Variants in ZNF532 observed in about 807,000 individuals in gnomAD.
ZNF532 encodes the protein zinc finger protein 532.
ZNF532 carries 22 observed loss-of-function variants against 89.3 expected under a neutral mutation model. The ratio of observed to expected loss-of-function variants is 0.25; its 90% CI spans 0.18 to 0.35. ZNF532 has a LOEUF of 0.35. Among genes scored for constraint, ZNF532 ranks in the 10% least tolerant of loss-of-function variants. The probability of loss-of-function intolerance (pLI) is 1.00; values close to 1 mark genes in which losing one functional copy is unlikely to be tolerated. For missense variants in ZNF532, 1,132 were observed against 1,643.4 expected (o/e 0.69, Z 5.38); for synonymous variants, 606 against 649.6 (o/e 0.93, Z 1.02).
intron 2 of ZNF532, among the ~76,000 whole-genome samples, chr18:58,880,771 C>CGTGTTTGTGTGTGTGT (rs1555704786): frequency 1.4e-5 from 2 of 145,258 alleles, no homozygotes; most frequent in East Asian, 4.0e-4. Context: ...CACGCGCGCG[C>CGTGTTTGTGTGTGTGT]GTCTGTGTGT....
At chr18:58,890,716 C>G (rs1466424029) in intron 2 of ZNF532, among the ~76,000 whole-genome samples, 1 of 151,902 alleles carries the variant, frequency 6.6e-6, no homozygotes, top group African/African-American at 2.4e-5. Flanking sequence ...TTCCCTCTCC[C>G]CTTCTTTTTC....
At chr18:58,866,115 CG>C (rs1192088171) in intron 2 of ZNF532, among the ~76,000 whole-genome samples, 1 of 152,108 alleles carries the variant, frequency 6.6e-6, no homozygotes, top group Non-Finnish European at 1.5e-5. Flanking sequence ...GGGCTGTTGA[CG>C]GTGAGTTCGC....
intron 5 of ZNF532, among the ~76,000 whole-genome samples, chr18:58,943,158 C>CT (rs11289347): frequency 3.0e-3 from 372 of 123,080 alleles, no homozygotes; most frequent in South Asian, 5.9e-3. Context: ...ATTACTATAT[C>CT]TTTTTTTTTT....
chr18:58,875,931 CTT>C (rs71173091), intron 2 of ZNF532, among the ~76,000 whole-genome samples: 12 of 112,786 alleles, frequency 1.1e-4, no homozygotes, highest in African/African-American at 1.4e-4. Context: ...ACTTGGGGAT[CTT>C]TTTTTTTTTT....
At chr18:58,960,813 TCA>T (rs1161372019) in intron 7 of ZNF532, among the ~76,000 whole-genome samples, 1 of 152,170 alleles carries the variant, frequency 6.6e-6, no homozygotes, top group Non-Finnish European at 1.5e-5. Context: ...CAGATTTTCC[TCA>T]GTCTTTCTAT....
intron 2 of ZNF532, among the ~76,000 whole-genome samples, chr18:58,896,200 TG>T (rs1459014090): frequency 6.6e-6 from 1 of 152,172 alleles, no homozygotes; most frequent in Non-Finnish European, 1.5e-5. Context: ...TAGCAGTGTT[TG>T]TTTTTTGTTG....
chr18:58,882,277 A>C (rs1442082401), intron 2 of ZNF532, among the ~76,000 whole-genome samples: 1 of 152,080 alleles, frequency 6.6e-6, no homozygotes, highest in Non-Finnish European at 1.5e-5. Context: ...AGATTTGTTA[A>C]CTTGTTCTTT....
At chr18:58,982,313 A>G (rs941784369) in intron 9 of ZNF532, among the ~76,000 whole-genome samples, 7 of 151,858 alleles carry the variant, frequency 4.6e-5, no homozygotes, top group Non-Finnish European at 5.9e-5. Context: ...TGTTTTTTTG[A>G]GAGAAAAGTT....
intron 4 of ZNF532, among the ~76,000 whole-genome samples, chr18:58,935,083 TCTC>T (rs1351396576): frequency 2.3e-5 from 2 of 88,302 alleles, no homozygotes; most frequent in East Asian, 3.4e-4. Flanking sequence ...CAAATAACCT[TCTC>T]CTCCTCCCCA....
intron 2 of ZNF532, among the ~76,000 whole-genome samples, chr18:58,888,789 T>A (rs551592584): frequency 3.2e-4 from 16 of 49,472 alleles, no homozygotes; most frequent in African/African-American, 1.5e-3. Flanking sequence ...ATATATAAAA[T>A]ATATATAATT....
chr18:58,981,244 C>A (rs2067733692), intron 8 of ZNF532: 2 of 544,340 alleles, frequency 3.7e-6, no homozygotes, highest in South Asian at 4.2e-5. Flanking sequence ...GTGAAAACTT[C>A]TTTTGAAATG....
chr18:58,907,185 T>C (rs185741667), intron 2 of ZNF532, among the ~76,000 whole-genome samples: 13 of 152,174 alleles, frequency 8.5e-5, no homozygotes, highest in Admixed American at 5.9e-4. Flanking sequence ...TATGAGTTTT[T>C]TGTTTGTTTG....
chr18:58,904,372 A>G (rs754763164), intron 2 of ZNF532, among the ~76,000 whole-genome samples: 27 of 151,860 alleles, frequency 1.8e-4, no homozygotes, highest in Non-Finnish European at 3.5e-4. Context: ...AAAATAATGT[A>G]TATGGTTAAG....
At chr18:58,951,658 T>TGG (rs1298607068) in intron 6 of ZNF532, among the ~76,000 whole-genome samples, 1 of 31,240 alleles carries the variant, frequency 3.2e-5, no homozygotes, top group East Asian at 1.4e-3. Flanking sequence ...TTTTTTTTTT[T>TGG]TTTTTTTTTG....
At chr18:58,953,404 C>T in intron 6 of ZNF532, 114 bp from the exon 7 acceptor site, 4 of 853,564 alleles carry the variant, frequency 4.7e-6, no homozygotes, top group Non-Finnish European at 7.1e-6. Context: ...TTAAATATTT[C>T]TGAATGAATA....
intron 7 of ZNF532, among the ~76,000 whole-genome samples, chr18:58,967,374 C>T (rs2066023044): frequency 6.6e-6 from 1 of 152,210 alleles, no homozygotes; most frequent in Non-Finnish European, 1.5e-5. Flanking sequence ...GGACCCTTGC[C>T]TATTCTTGTT....
rs1020315581 is a variant in ZNF532, at chr18:58,937,702, A to G, written c.2529-1743A>G. On this transcript the variant is annotated intron_variant, in intron 4 of 9. Transcript: ENST00000591808. ...AATTACCCATCTACTTTTGTTTTAC[A>G]TAATCTTCCTCTTTCATGGGAGTTG... Among the ~76,000 whole-genome samples the G allele has an allele frequency of 5.9e-5, 9 of 152,324 alleles. No homozygotes were observed. In the East Asian group the frequency reaches 9.6e-4, roughly 16 times the overall value.
chr18:58,919,552 C>T lies in ZNF532; in HGVS notation c.1265C>T (p.Ala422Val), dbSNP rs770408310. 15 of 1,614,210 alleles carry T rather than the reference C, an allele frequency of 9.3e-6. No homozygotes were observed. The highest frequency in any genetic ancestry group is 4.4e-5 in the South Asian group (4 of 91,082). The change falls in exon 3 of 10, where the codon GCG (alanine) becomes GTG (valine). Residue 422 changes from alanine to valine, a missense_variant. Ala to Val is a moderately conservative substitution (Grantham distance 64). Transcript: ENST00000591808. This position sits in a 1 kb window ranked among gnomAD's most constrained non-coding sequence, Gnocchi z 6.1. Reference sequence around the variant, plus strand: ...GCCGTCCTTTCCTCTCCCCCCAGGGCGCCTCTCCAGTCTGCGGTCGTGACC... The same window carrying T: ...GCCGTCCTTTCCTCTCCCCCCAGGGTGCCTCTCCAGTCTGCGGTCGTGACC... ...SAAVLSSPPR[A>V]PLQSAVVTNA...
At chr18:58,903,278 T>C (rs1312618213) in intron 2 of ZNF532, among the ~76,000 whole-genome samples, 9 of 152,076 alleles carry the variant, frequency 5.9e-5, no homozygotes, top group Admixed American at 5.2e-4. Flanking sequence ...AAGGGCAAAC[T>C]AAGAAGGAAA....
Sources: gnomAD v4.1 joint callset for allele counts (sites outside exome capture counted in the v4.1 genomes callset) on GRCh38, gnomAD v4.1.1 for gene constraint, Gnocchi (gnomAD v3.1) non-coding constraint, MANE v1.5 for transcripts, NCBI Gene and HGNC (gene_info 2026-07-23, HGNC 2026-07-21) for gene names.